SEZ6L: variants seen among roughly 807,000 people sequenced by gnomAD.
SEZ6L encodes seizure related 6 homolog like.
Under a neutral mutation model 106.2 loss-of-function variants are expected in SEZ6L, and 37 were observed. That is an observed-to-expected ratio of 0.35 (90% CI 0.27 to 0.46). The LOEUF (loss-of-function observed/expected upper bound fraction) is 0.46. SEZ6L is among the 20% of genes least tolerant of loss of function. The pLI, the probability that SEZ6L is intolerant of heterozygous loss-of-function variation, is 1.00. For missense variants in SEZ6L, 1,172 were observed against 1,332.8 expected (o/e 0.88, Z 1.88); for synonymous variants, 541 against 570.4 (o/e 0.95, Z 0.73).
intron 16 of SEZ6L, among the ~76,000 whole-genome samples, chr22:26,379,429 G>T (rs1601666764): frequency 1.3e-5 from 2 of 152,246 alleles, no homozygotes; most frequent in Non-Finnish European, 2.9e-5. Flanking sequence ...GGATCATGGG[G>T]ACCACCTTGG....
chr22:26,203,139 A>C (rs140518515), intron 1 of SEZ6L, among the ~76,000 whole-genome samples: 12 of 152,206 alleles, frequency 7.9e-5, no homozygotes, highest in Non-Finnish European at 1.6e-4. Context: ...TCAGGGTGTC[A>C]GTGTCTAGAA....
intron 10 of SEZ6L, among the ~76,000 whole-genome samples, chr22:26,341,804 C>T (rs996823625): frequency 1.1e-4 from 17 of 152,190 alleles, no homozygotes; most frequent in African/African-American, 4.1e-4. Flanking sequence ...CTCTCAACTC[C>T]ACTTTTCAAT....
At chr22:26,312,635 C>T (rs2081874563) in intron 8 of SEZ6L, among the ~76,000 whole-genome samples, 1 of 152,172 alleles carries the variant, frequency 6.6e-6, no homozygotes, top group Non-Finnish European at 1.5e-5. Context: ...GACAGAGACT[C>T]GCTCGGCTCA....
chr22:26,255,115 C>T lies in SEZ6L; in HGVS notation c.95-37291C>T, dbSNP rs80036563. 2.9e-3 allele frequency among the ~76,000 whole-genome samples: 448 copies of T among 152,240 alleles called. 3 individuals are homozygous for T. Among genetic ancestry groups the T allele is most frequent in the African/African-American group, 1.0e-2 (415 of 41,532 alleles). Reference sequence around the variant, plus strand: ...ACTTTATTGAGGTGTAACGGGCATACCAAAATGTGTAGGTATTTGTTACAT... The same window carrying T: ...ACTTTATTGAGGTGTAACGGGCATATCAAAATGTGTAGGTATTTGTTACAT... On this transcript the variant is annotated intron_variant, in intron 1 of 16. Coordinates refer to ENST00000248933, the MANE Select transcript of SEZ6L (RefSeq NM_021115.5).
At position 26,246,208 on chromosome 22, in the gene SEZ6L, G is replaced by T. The variant is rs2079336951; in HGVS notation, c.95-46198G>T. On this transcript the variant is annotated intron_variant, in intron 1 of 16. Transcript: ENST00000248933. Reference sequence around the variant, plus strand: ...GGTTCCATGTCCGTTTCCATTCTAGGTGATCCTAAATTCAATTGAGAATCC... The same window carrying T: ...GGTTCCATGTCCGTTTCCATTCTAGTTGATCCTAAATTCAATTGAGAATCC... Among the ~76,000 whole-genome samples the T allele has an allele frequency of 3.3e-5, 5 of 152,064 alleles. 1 individual carries two copies. The South Asian group carries it at 1.0e-3, about 32-fold the overall frequency.
chr22:26,255,804 C>A (rs2079796600), intron 1 of SEZ6L, among the ~76,000 whole-genome samples: 1 of 152,224 alleles, frequency 6.6e-6, no homozygotes, highest in South Asian at 2.1e-4. Flanking sequence ...TGGTGCTAGT[C>A]ACTGGGAATC....
intron 13 of SEZ6L, among the ~76,000 whole-genome samples, chr22:26,369,402 G>T (rs1056910896): frequency 7.6e-6 from 1 of 132,306 alleles, no homozygotes; most frequent in African/African-American, 2.9e-5. Context: ...TGCAGTGGCT[G>T]GATCTCGGCT....
intron 1 of SEZ6L, among the ~76,000 whole-genome samples, chr22:26,231,701 C>T (rs1463252071): frequency 2.0e-5 from 3 of 152,224 alleles, no homozygotes; most frequent in Non-Finnish European, 4.4e-5. Flanking sequence ...TCATTCATCA[C>T]CCGCCCTGCC....
chr22:26,278,477 T>C (rs1277149655), intron 1 of SEZ6L, among the ~76,000 whole-genome samples: 3 of 152,216 alleles, frequency 2.0e-5, no homozygotes, highest in African/African-American at 4.8e-5. Flanking sequence ...GTGTCTACTA[T>C]TTCCATCTTT....
chr22:26,354,813 G>A (rs1055324724), intron 12 of SEZ6L, among the ~76,000 whole-genome samples: 7 of 152,194 alleles, frequency 4.6e-5, no homozygotes, highest in African/African-American at 1.7e-4. Context: ...TCTCAGCATT[G>A]GATCTGCAGT....
chr22:26,230,039 G>C (rs1443282355), intron 1 of SEZ6L, among the ~76,000 whole-genome samples: 2 of 152,236 alleles, frequency 1.3e-5, no homozygotes, highest in Admixed American at 1.3e-4. Context: ...GAGAAGCCAT[G>C]CACAGTGCCC....
Position 26,376,971 on chromosome 22 carries a change from G to C in SEZ6L, c.2943-702G>C, listed in dbSNP as rs926013612. 1.1e-4 allele frequency among the ~76,000 whole-genome samples: 17 copies of C among 151,864 alleles called. No individual in the cohort carries two copies. The East Asian group carries it at 2.9e-3, about 26-fold the overall frequency. ...ATAGGTAGGTGTGGTGAGTAACAGA[G>C]AAATCACCTTTAAATAGATGGTCAG... On this transcript the variant is annotated intron_variant, in intron 15 of 16. Transcript: ENST00000248933.
chr22:26,206,617 G>A (rs993051768), intron 1 of SEZ6L, among the ~76,000 whole-genome samples: 2 of 152,124 alleles, frequency 1.3e-5, no homozygotes, highest in African/African-American at 2.4e-5. Flanking sequence ...TAACATGAGC[G>A]ACCTAAAAAT....
chr22:26,311,033 C>T (rs551853531), intron 7 of SEZ6L, among the ~76,000 whole-genome samples, 197 bp downstream of exon 7: 2 of 152,358 alleles, frequency 1.3e-5, no homozygotes, highest in East Asian at 1.9e-4. Flanking sequence ...GCACTTACTA[C>T]GTGCTCAGTG....
chr22:26,222,187 C>G (rs2078497581), intron 1 of SEZ6L, among the ~76,000 whole-genome samples: 1 of 152,208 alleles, frequency 6.6e-6, no homozygotes. Flanking sequence ...TTTTAGCCCA[C>G]TCCTTAGATG....
At chr22:26,367,168 G>A (rs968383399) in intron 13 of SEZ6L, among the ~76,000 whole-genome samples, 1 of 152,082 alleles carries the variant, frequency 6.6e-6, no homozygotes, top group Non-Finnish European at 1.5e-5. Flanking sequence ...GGGCTGGGAC[G>A]AGTCTGAGGC....
At chr22:26,335,530 C>G (rs1252603682) in intron 9 of SEZ6L, among the ~76,000 whole-genome samples, 1 of 152,054 alleles carries the variant, frequency 6.6e-6, no homozygotes. Context: ...TTTTTTCTGT[C>G]TTTAATAGGA....
intron 1 of SEZ6L, among the ~76,000 whole-genome samples, chr22:26,211,538 G>A (rs1294748343): frequency 6.6e-6 from 1 of 152,106 alleles, no homozygotes; most frequent in Non-Finnish European, 1.5e-5. Flanking sequence ...AGAGCGTTAG[G>A]CTCAAAAGAT....
intron 1 of SEZ6L, among the ~76,000 whole-genome samples, chr22:26,247,611 G>C (rs1343611964): frequency 6.6e-6 from 1 of 152,134 alleles, no homozygotes; most frequent in African/African-American, 2.4e-5. Flanking sequence ...CACAAGGAAG[G>C]ATTCTTCCCC....
Sources: gnomAD v4.1 joint callset for allele counts (sites outside exome capture counted in the v4.1 genomes callset) on GRCh38, gnomAD v4.1.1 for gene constraint, MANE v1.5 for transcripts, NCBI Gene and HGNC (gene_info 2026-07-23, HGNC 2026-07-21) for gene names.